SPAG9: variants seen among roughly 807,000 people sequenced by gnomAD.
The protein encoded by SPAG9 is sperm associated antigen 9.
Under a neutral mutation model 166.5 loss-of-function variants are expected in SPAG9, and 35 were observed. The ratio of observed to expected loss-of-function variants is 0.21; its 90% CI spans 0.16 to 0.28. SPAG9 has a LOEUF of 0.28. SPAG9 is among the 10% of genes least tolerant of loss of function. SPAG9 has a pLI of 1.00. For synonymous variants in SPAG9, 534 were observed against 565.5 expected (o/e 0.94, Z 0.79); for missense variants, 1,235 against 1,603.3 (o/e 0.77, Z 3.92).
chr17:51,080,655 A>T (rs1246958581), intron 1 of SPAG9, among the ~76,000 whole-genome samples: 1 of 151,890 alleles, frequency 6.6e-6, no homozygotes, highest in Non-Finnish European at 1.5e-5. Flanking sequence ...GGCTGAGGAG[A>T]GCAGATCACA....
intron 1 of SPAG9, among the ~76,000 whole-genome samples, chr17:51,109,207 T>G (rs932230576): frequency 4.6e-5 from 7 of 152,040 alleles, no homozygotes; most frequent in Admixed American, 1.3e-4. Context: ...AATTCCGTTT[T>G]ATATATTTCA....
At chr17:50,985,280 T>G (rs1240105644) in intron 23 of SPAG9, among the ~76,000 whole-genome samples, 3 of 152,232 alleles carry the variant, frequency 2.0e-5, no homozygotes, top group East Asian at 3.8e-4. Context: ...ACCAGAGACA[T>G]GCACCTTGAG....
Position 50,985,705 on chromosome 17 carries a change from T to C in SPAG9, c.3013A>G (p.Ser1005Gly), listed in dbSNP as rs1239584219. The C allele has an allele frequency of 1.3e-6, 2 of 1,581,620 alleles. No homozygotes were observed. Among genetic ancestry groups the C allele is most frequent in the Non-Finnish European group, 1.7e-6 (2 of 1,151,864 alleles). ...HSIKLKDSIL[S>G]IVHVKGIVLV... ...TTCCAAAATAAAACTTACACAATAC[T>C]GAGAATCGAATCTTTAAGTTTAATG... The change falls in exon 23 of 30, where the codon AGT (serine) becomes GGT (glycine). Residue 1005 changes from serine (S) to glycine (G), a missense_variant. Ser to Gly is a moderately conservative substitution (Grantham distance 56). Transcript: ENST00000262013.
chr17:51,062,877 A>G (rs2047556889), intron 2 of SPAG9, among the ~76,000 whole-genome samples: 1 of 152,124 alleles, frequency 6.6e-6, no homozygotes, highest in Non-Finnish European at 1.5e-5. Context: ...GGCGTGAGCC[A>G]CCACACACAA....
intron 1 of SPAG9, among the ~76,000 whole-genome samples, chr17:51,091,206 G>C (rs757490301): frequency 4.6e-5 from 7 of 150,714 alleles, no homozygotes; most frequent in Non-Finnish European, 8.8e-5. Flanking sequence ...CCAGGAGGCA[G>C]AGGTTGCAGT....
intron 1 of SPAG9, among the ~76,000 whole-genome samples, chr17:51,111,503 C>T (rs1210602001): frequency 6.6e-6 from 1 of 152,224 alleles, no homozygotes; most frequent in Non-Finnish European, 1.5e-5. Context: ...ACCTATGGCA[C>T]ACACTTCAGC....
At chr17:51,024,421 C>G (rs569724888) in intron 6 of SPAG9, among the ~76,000 whole-genome samples, 2 of 151,928 alleles carry the variant, frequency 1.3e-5, no homozygotes, top group Admixed American at 6.6e-5. Context: ...AATAGCATAT[C>G]CATGTTAAGA....
At chr17:51,002,435 G>T (rs144663006) in intron 12 of SPAG9, among the ~76,000 whole-genome samples, 8 of 151,954 alleles carry the variant, frequency 5.3e-5, no homozygotes, top group African/African-American at 1.9e-4. Context: ...GAGTAGTGTG[G>T]GTCTGTTCTC....
intron 1 of SPAG9, among the ~76,000 whole-genome samples, chr17:51,114,516 G>C (rs1357047463): frequency 1.3e-5 from 2 of 151,962 alleles, no homozygotes; most frequent in African/African-American, 4.8e-5. Flanking sequence ...TATAATCCCA[G>C]CTACTCAGAA....
At position 50,970,759 on chromosome 17, in the gene SPAG9, C is replaced by T; in HGVS notation, c.3798G>A (p.Leu1266=). 2 of 1,614,144 alleles carry T rather than the reference C, an allele frequency of 1.2e-6. No homozygotes were observed. Among genetic ancestry groups the T allele is most frequent in the South Asian group, 1.1e-5 (1 of 91,086 alleles). The change falls in exon 29 of 30, where the codon TTG becomes TTA. Residue 1266 remains leucine, a synonymous_variant. Transcript: ENST00000262013. ...CTCCACTGATGACAAGCATAGACTT[C>T]AAGGGCGTCTGACTACCAGGCTCCT... ...SAQEPGSQTP[L]KSMLVISGGE...
chr17:51,105,133 ATC>A (rs1251357821), intron 1 of SPAG9, among the ~76,000 whole-genome samples: 1 of 148,386 alleles, frequency 6.7e-6, no homozygotes, highest in Non-Finnish European at 1.5e-5. Context: ...AATAAATAAA[ATC>A]TGTTAGATGA....
At chr17:51,066,608 G>T (rs984387575) in intron 2 of SPAG9, among the ~76,000 whole-genome samples, 3 of 142,020 alleles carry the variant, frequency 2.1e-5, no homozygotes, top group Non-Finnish European at 3.0e-5. Flanking sequence ...TGTAATCCCA[G>T]CACTTTGGGA....
intron 1 of SPAG9, among the ~76,000 whole-genome samples, chr17:51,093,457 C>A (rs1007466416): frequency 6.6e-6 from 1 of 151,958 alleles, no homozygotes; most frequent in Non-Finnish European, 1.5e-5. Flanking sequence ...AATCCCTGCA[C>A]TTTGGGAGGC....
intron 11 of SPAG9, 127 bp from the exon 12 acceptor site, chr17:51,005,390 T>C: frequency 1.3e-6 from 1 of 789,836 alleles, no homozygotes; most frequent in Non-Finnish European, 2.1e-6. Context: ...ACAGGGTATT[T>C]AGCCACCCTC....
chr17:51,099,924 A>C (rs894991529), intron 1 of SPAG9, among the ~76,000 whole-genome samples: 1 of 151,604 alleles, frequency 6.6e-6, no homozygotes, highest in African/African-American at 2.4e-5. Context: ...AAAAGACAAA[A>C]CCTTGTCTCT....
chr17:50,987,570 C>A (rs537249341), intron 21 of SPAG9, among the ~76,000 whole-genome samples: 13 of 149,482 alleles, frequency 8.7e-5, no homozygotes, highest in African/African-American at 3.2e-4. Context: ...AAGTCAAAAG[C>A]TTACATCACA....
rs1396024697 is a variant in SPAG9, at chr17:50,996,438, T to C, written c.1968+127A>G. On this transcript the variant is annotated intron_variant, in intron 16 of 29. Transcript: ENST00000262013. ...AAAACCACCACCCTCCATGCTTAAA[T>C]GTGTGCCCAGTCCATGCGGCTGAGA... 6.6e-6 allele frequency: 7 copies of C among 1,056,854 alleles called. No homozygotes were observed. The East Asian group carries it at 1.5e-4, about 22-fold the overall frequency. 65.5% of individuals were successfully genotyped at this position (1,056,854 alleles called of 1,614,324 possible). A position where few individuals can be genotyped will look rare whatever the true frequency, so the allele number is the denominator to read the frequency against.
intron 4 of SPAG9, among the ~76,000 whole-genome samples, chr17:51,043,411 T>A (rs1206357274): frequency 6.6e-6 from 1 of 152,158 alleles, no homozygotes; most frequent in Admixed American, 6.5e-5. Flanking sequence ...CACATACACA[T>A]TCCCATATAC....
At chr17:51,052,675 T>C (rs531117214) in intron 3 of SPAG9, among the ~76,000 whole-genome samples, 13 of 152,232 alleles carry the variant, frequency 8.5e-5, no homozygotes, top group East Asian at 3.9e-4. Context: ...AAAATTAGTA[T>C]GTCAGGCTTC....
Sources: allele counts gnomAD v4.1 joint callset (sites outside exome capture counted in the v4.1 genomes callset), GRCh38; gene constraint gnomAD v4.1.1; transcripts MANE v1.5; gene names NCBI Gene and HGNC (gene_info 2026-07-23, HGNC 2026-07-21).